The following FOXP1 variants were observed in gnomAD, a reference collection of about 807,000 sequenced individuals.
FOXP1 encodes forkhead box P1, also known as forkhead box protein P1.
In FOXP1, 15 loss-of-function variants were observed where a neutral mutation model predicts 98.2. The ratio of observed to expected loss-of-function variants is 0.15; its 90% CI spans 0.10 to 0.24. The LOEUF (loss-of-function observed/expected upper bound fraction) is 0.24. Ranked by LOEUF, FOXP1 falls within the 10% of genes least tolerant of loss-of-function variation. The probability of loss-of-function intolerance (pLI) is 1.00; values close to 1 mark genes in which losing one functional copy is unlikely to be tolerated. For synonymous variants in FOXP1, 371 were observed against 314.5 expected, an observed-to-expected ratio of 1.18 and a Z score of -1.90; for missense variants, 633 against 848.5, an observed-to-expected ratio of 0.75 and a Z score of 3.15.
At chr3:71,076,963 G>A (rs2107485820) in intron 7 of FOXP1, among the ~76,000 whole-genome samples, 1 of 152,198 alleles carries the variant, frequency 6.6e-6, no homozygotes, top group East Asian at 1.9e-4. Context: ...ATTTTTTGAA[G>A]GGCTAATCTA....
chr3:71,027,237 T>A (rs890158242), intron 11 of FOXP1, among the ~76,000 whole-genome samples: 1 of 152,186 alleles, frequency 6.6e-6, no homozygotes, highest in African/African-American at 2.4e-5. Flanking sequence ...GAGGAACCAA[T>A]GACACCCAAA....
At chr3:71,553,833 T>C (rs1014585617) in intron 2 of FOXP1, among the ~76,000 whole-genome samples, 26 of 152,228 alleles carry the variant, frequency 1.7e-4, no homozygotes, top group African/African-American at 6.3e-4. Flanking sequence ...AACATTAGTC[T>C]CAAAACAGAA....
At chr3:71,480,497 C>A (rs1328869370) in intron 3 of FOXP1, among the ~76,000 whole-genome samples, 3 of 152,178 alleles carry the variant, frequency 2.0e-5, no homozygotes, top group African/African-American at 7.2e-5. Flanking sequence ...TGTTTCGTTC[C>A]CAAATGATGG....
At chr3:71,256,183 T>C (rs1458417382) in intron 5 of FOXP1, among the ~76,000 whole-genome samples, 1 of 151,862 alleles carries the variant, frequency 6.6e-6, no homozygotes, top group East Asian at 1.9e-4. Context: ...AGCTGGAAGG[T>C]TTCCTCACAT....
intron 3 of FOXP1, among the ~76,000 whole-genome samples, chr3:71,419,848 C>T (rs946706308): frequency 6.6e-6 from 1 of 151,872 alleles, no homozygotes; most frequent in Non-Finnish European, 1.5e-5. Flanking sequence ...GAGTCTTGCT[C>T]TTGTCGCCCA....
chr3:71,228,327 C>T (rs2066003647), intron 5 of FOXP1, among the ~76,000 whole-genome samples: 1 of 151,522 alleles, frequency 6.6e-6, no homozygotes, highest in Non-Finnish European at 1.5e-5. Context: ...ATAAATCAAC[C>T]TGCTTTTTTT....
intron 4 of FOXP1, among the ~76,000 whole-genome samples, chr3:71,311,399 T>C (rs1185141329): frequency 6.6e-6 from 1 of 152,228 alleles, no homozygotes; most frequent in African/African-American, 2.4e-5. Flanking sequence ...TCTTGCTTGC[T>C]GTATCCCAGT....
chr3:71,500,781 A>G (rs2041278039), intron 2 of FOXP1, among the ~76,000 whole-genome samples: 1 of 152,164 alleles, frequency 6.6e-6, no homozygotes, highest in African/African-American at 2.4e-5. Context: ...CCTACCCTCA[A>G]GGAAAGTACC....
chr3:71,294,826 A>G (rs1164262510), intron 5 of FOXP1, among the ~76,000 whole-genome samples: 1 of 152,122 alleles, frequency 6.6e-6, no homozygotes, highest in Non-Finnish European at 1.5e-5. Flanking sequence ...TGGGATGTAT[A>G]CAATGTTTAA....
intron 3 of FOXP1, among the ~76,000 whole-genome samples, chr3:71,397,537 C>T (rs968912393): frequency 6.6e-6 from 1 of 152,210 alleles, no homozygotes; most frequent in African/African-American, 2.4e-5. Context: ...CTCTGTGGAA[C>T]TTACAGACTG....
Position 71,531,863 on chromosome 3 carries a change from G to C in FOXP1, c.-297-38308C>G, listed in dbSNP as rs143014222. On this transcript the variant is annotated intron_variant, in intron 2 of 20. Transcript: ENST00000649528. ...TGTATCTTCCTACCTTACTATGTAG[G>C]TAAGTGGAGGACGCATGAAATTTAT... is the stretch of plus-strand genomic sequence containing the variant. 5.3e-3 allele frequency among the ~76,000 whole-genome samples: 807 copies of C among 152,280 alleles called. 6 individuals are homozygous for C. Among genetic ancestry groups the C allele is most frequent in the African/African-American group, 0.018 (761 of 41,558 alleles).
chr3:71,546,686 T>C (rs890515892), intron 2 of FOXP1, among the ~76,000 whole-genome samples: 1 of 151,680 alleles, frequency 6.6e-6, no homozygotes, highest in Non-Finnish European at 1.5e-5. Flanking sequence ...CCTTGCTGAA[T>C]GGCACTAGCA....
intron 5 of FOXP1, among the ~76,000 whole-genome samples, chr3:71,290,249 C>G (rs1341307401): frequency 1.3e-5 from 2 of 152,182 alleles, no homozygotes; most frequent in African/African-American, 4.8e-5. Context: ...AAGCATTTGT[C>G]TTCTGACTCC....
chr3:71,086,027 C>G (rs140594153), intron 7 of FOXP1, among the ~76,000 whole-genome samples: 1 of 152,194 alleles, frequency 6.6e-6, no homozygotes, highest in African/African-American at 2.4e-5. Flanking sequence ...CGCACATTTA[C>G]GGCCATTTTA....
chr3:71,236,865 C>A (rs1416363414), intron 5 of FOXP1, among the ~76,000 whole-genome samples: 2 of 147,156 alleles, frequency 1.4e-5, no homozygotes. Context: ...ACAGCGAGAT[C>A]CTGTCTTAAG....
chr3:71,290,816 T>A (rs2072669659), intron 5 of FOXP1, among the ~76,000 whole-genome samples: 1 of 152,208 alleles, frequency 6.6e-6, no homozygotes, highest in Admixed American at 6.5e-5. Context: ...TTTGGGATTT[T>A]GGGGTTAAGG....
chr3:71,391,481 C>G (rs1473759710), intron 3 of FOXP1, among the ~76,000 whole-genome samples: 1 of 152,202 alleles, frequency 6.6e-6, no homozygotes, highest in Non-Finnish European at 1.5e-5. Context: ...TTCATCATTC[C>G]CTACCTTGTC....
chr3:71,342,860 G>T (rs1169592706), intron 4 of FOXP1, among the ~76,000 whole-genome samples: 2 of 152,128 alleles, frequency 1.3e-5, no homozygotes, highest in African/African-American at 4.8e-5. Flanking sequence ...TACAGTATCA[G>T]AACCAGGAAA....
chr3:71,499,148 A>G (rs1029295816), intron 2 of FOXP1, among the ~76,000 whole-genome samples: 2 of 152,178 alleles, frequency 1.3e-5, no homozygotes, highest in African/African-American at 2.4e-5. Flanking sequence ...TCAGGACGCC[A>G]CAGAAGATGG....
Sources: gnomAD v4.1 joint callset for allele counts (sites outside exome capture counted in the v4.1 genomes callset) on GRCh38, gnomAD v4.1.1 for gene constraint, MANE v1.5 for transcripts, NCBI Gene and HGNC (gene_info 2026-07-23, HGNC 2026-07-21) for gene names.